RGS17: variants seen among roughly 807,000 people sequenced by gnomAD.
RGS17 encodes the protein regulator of G protein signaling 17.
Under a neutral mutation model 25.5 loss-of-function variants are expected in RGS17, and 12 were observed. The observed-to-expected ratio is 0.47, with a 90% CI of 0.30 to 0.76. RGS17 has a LOEUF of 0.76. RGS17 is among the 30% of genes least tolerant of loss of function. The probability of loss-of-function intolerance (pLI) is 0.07; values close to 1 mark genes in which losing one functional copy is unlikely to be tolerated. For synonymous variants in RGS17, 71 were observed against 76.9 expected, an observed-to-expected ratio of 0.92 and a Z score of 0.40; for missense variants, 196 against 242.2, an observed-to-expected ratio of 0.81 and a Z score of 1.27.
At chr6:153,079,485 A>G (rs1776940489) in intron 1 of RGS17, among the ~76,000 whole-genome samples, 1 of 152,210 alleles carries the variant, frequency 6.6e-6, no homozygotes, top group Non-Finnish European at 1.5e-5. Flanking sequence ...TGGGAATTCT[A>G]TTTCTACTTT....
chr6:153,022,670 C>T (rs1304957705), intron 4 of RGS17, among the ~76,000 whole-genome samples: 2 of 152,152 alleles, frequency 1.3e-5, no homozygotes, highest in African/African-American at 2.4e-5. Flanking sequence ...TATTTGGGCA[C>T]ATTTGGATCA....
At chr6:153,097,705 G>C (rs1242316083) in intron 1 of RGS17, among the ~76,000 whole-genome samples, 1 of 152,088 alleles carries the variant, frequency 6.6e-6, no homozygotes, top group African/African-American at 2.4e-5. Flanking sequence ...CACTAGGAAA[G>C]AGAAGGTCAA....
At chr6:153,082,639 TC>T (rs1231846814) in intron 1 of RGS17, among the ~76,000 whole-genome samples, 1 of 152,224 alleles carries the variant, frequency 6.6e-6, no homozygotes, top group Non-Finnish European at 1.5e-5. Context: ...ATATACTAGT[TC>T]CATATCTACA....
chr6:153,067,544 AG>A (rs1333229709), intron 1 of RGS17, among the ~76,000 whole-genome samples: 1 of 152,206 alleles, frequency 6.6e-6, no homozygotes, highest in East Asian at 1.9e-4. Context: ...AACCAAAAAA[AG>A]TAATCCCATT....
intron 4 of RGS17, among the ~76,000 whole-genome samples, chr6:153,012,103 C>T (rs1272408398): frequency 6.6e-6 from 1 of 152,162 alleles, no homozygotes; most frequent in African/African-American, 2.4e-5. Context: ...TGTGAATTCA[C>T]CTCCTGCTAT....
chr6:153,037,147 A>G (rs1776254676), intron 2 of RGS17, among the ~76,000 whole-genome samples: 1 of 150,506 alleles, frequency 6.6e-6, no homozygotes. Flanking sequence ...CCTCTGTACT[A>G]CTAATTGGTA....
intron 4 of RGS17, among the ~76,000 whole-genome samples, chr6:153,017,594 G>C (rs1779197703): frequency 6.6e-6 from 1 of 152,108 alleles, no homozygotes; most frequent in Non-Finnish European, 1.5e-5. Flanking sequence ...TCATCAAGAT[G>C]CAAGGGAAAA....
rs550584632 is a variant in RGS17 at position 153,066,837 on chromosome 6, C to T, written c.-25-22794G>A. Among the ~76,000 whole-genome samples, 5 of 152,108 alleles carry T rather than the reference C, an allele frequency of 3.3e-5. No individual in the cohort carries two copies. In the East Asian group the frequency reaches 5.8e-4, roughly 18 times the overall value. On this transcript the variant is annotated intron_variant, in intron 1 of 4. Coordinates refer to ENST00000206262, the MANE Select transcript of RGS17 (RefSeq NM_012419.5). ...AGGGTGGATTAAGAGGTCAGGAGAT[C>T]GAGACCATCCTGGCTAACATGGTGA...
At chr6:153,067,046 A>AAAACAAACAAAC (rs71017577) in intron 1 of RGS17, among the ~76,000 whole-genome samples, 9 of 151,570 alleles carry the variant, frequency 5.9e-5, no homozygotes, top group African/African-American at 2.2e-4. Context: ...TCTCAAAAAC[A>AAAACAAACAAAC]AAACAAACAA....
At chr6:153,053,218 T>G (rs568880246) in intron 1 of RGS17, among the ~76,000 whole-genome samples, 69 of 152,294 alleles carry the variant, frequency 4.5e-4, no homozygotes, top group African/African-American at 1.4e-3. Context: ...GTAACTTAGA[T>G]CTATATGAAT....
intron 4 of RGS17, among the ~76,000 whole-genome samples, chr6:153,014,023 C>T (rs1441152963): frequency 2.0e-5 from 3 of 152,176 alleles, no homozygotes; most frequent in African/African-American, 7.2e-5. Flanking sequence ...TCAGTATAGA[C>T]AAAACAGCCT....
At chr6:153,067,001 A>G (rs938734192) in intron 1 of RGS17, among the ~76,000 whole-genome samples, 1 of 151,970 alleles carries the variant, frequency 6.6e-6, no homozygotes, top group Non-Finnish European at 1.5e-5. Context: ...GATCGCACCA[A>G]TGCACTCCAG....
intron 1 of RGS17, among the ~76,000 whole-genome samples, chr6:153,094,519 T>G (rs1268089550): frequency 1.3e-5 from 2 of 152,218 alleles, no homozygotes; most frequent in Non-Finnish European, 2.9e-5. Context: ...ATGGTTTGAT[T>G]TTGATACTTT....
chr6:153,034,419 A>G (rs927299265), intron 2 of RGS17, among the ~76,000 whole-genome samples: 21 of 152,326 alleles, frequency 1.4e-4, no homozygotes, highest in South Asian at 1.2e-3. Flanking sequence ...TTAACTGACA[A>G]CATGCAAACA....
chr6:153,117,491 TTGCCA>T (rs1777562571), intron 1 of RGS17, among the ~76,000 whole-genome samples: 2 of 152,274 alleles, frequency 1.3e-5, no homozygotes, highest in Non-Finnish European at 2.9e-5. Context: ...GAAAAGGGGT[TTGCCA>T]TGATATAGGA....
chr6:153,075,647 G>A (rs1163683385), intron 1 of RGS17, among the ~76,000 whole-genome samples: 1 of 152,154 alleles, frequency 6.6e-6, no homozygotes, highest in African/African-American at 2.4e-5. Context: ...GGTTAGTAGA[G>A]CCTAAGAAAA....
chr6:153,087,980 C>T (rs1777074452), intron 1 of RGS17, among the ~76,000 whole-genome samples: 1 of 152,130 alleles, frequency 6.6e-6, no homozygotes, highest in African/African-American at 2.4e-5. Context: ...ATGTTGCTTC[C>T]AAGGTTAGGT....
intron 1 of RGS17, among the ~76,000 whole-genome samples, chr6:153,069,173 G>A (rs1421539236): frequency 6.6e-6 from 1 of 152,144 alleles, no homozygotes; most frequent in Non-Finnish European, 1.5e-5. Context: ...TTGTGGCACT[G>A]TTTACAATAG....
chr6:153,076,181 G>A (rs1162124335), intron 1 of RGS17, among the ~76,000 whole-genome samples: 1 of 151,992 alleles, frequency 6.6e-6, no homozygotes, highest in Non-Finnish European at 1.5e-5. Flanking sequence ...ATCCTTGGTT[G>A]GATATAAACA....
Sources: gnomAD v4.1 joint callset for allele counts (sites outside exome capture counted in the v4.1 genomes callset) on GRCh38, gnomAD v4.1.1 for gene constraint, MANE v1.5 for transcripts, NCBI Gene and HGNC (gene_info 2026-07-23, HGNC 2026-07-21) for gene names.